The following PTPRD variants were observed in gnomAD, a reference collection of about 807,000 sequenced individuals.
The protein encoded by PTPRD is receptor-type tyrosine-protein phosphatase delta.
In PTPRD, 34 loss-of-function variants were observed where a neutral mutation model predicts 214.5. That is an observed-to-expected ratio of 0.16 (90% CI 0.12 to 0.21). The LOEUF is 0.21. Ranked by LOEUF, PTPRD falls within the 10% of genes least tolerant of loss-of-function variation. The pLI is 1.00. For missense variants in PTPRD, 2,545 were observed against 2,398.7 expected (o/e 1.06, Z -1.27); for synonymous variants, 1,128 against 845.7 (o/e 1.33, Z -5.79).
chr9:9,201,446 T>G (rs553575895), intron 9 of PTPRD, among the ~76,000 whole-genome samples: 1 of 152,298 alleles, frequency 6.6e-6, no homozygotes, highest in South Asian at 2.1e-4. Context: ...AAGTTTATTT[T>G]GATCAGTCTT....
At chr9:8,922,803 C>T (rs1450117749) in intron 11 of PTPRD, among the ~76,000 whole-genome samples, 4 of 150,950 alleles carry the variant, frequency 2.6e-5, no homozygotes, top group East Asian at 2.0e-4. Flanking sequence ...TGTGCCATCA[C>T]GCCCGGCTAA....
chr9:10,461,467 A>C (rs2098958144), intron 2 of PTPRD, among the ~76,000 whole-genome samples: 1 of 152,074 alleles, frequency 6.6e-6, no homozygotes, highest in African/African-American at 2.4e-5. Flanking sequence ...AAAATGGATG[A>C]AGAAACTATC....
At chr9:8,916,640 A>G (rs981450467) in intron 11 of PTPRD, among the ~76,000 whole-genome samples, 1 of 152,188 alleles carries the variant, frequency 6.6e-6, no homozygotes, top group Non-Finnish European at 1.5e-5. Context: ...TTCTTTACTA[A>G]ACCCAGTGAA....
intron 8 of PTPRD, among the ~76,000 whole-genome samples, chr9:9,481,737 T>A (rs1298884590): frequency 6.6e-6 from 1 of 152,144 alleles, no homozygotes; most frequent in Admixed American, 6.6e-5. Context: ...TCAGTTCTAT[T>A]CTTGCCCCAT....
chr9:10,289,647 G>A (rs752845244), intron 3 of PTPRD, among the ~76,000 whole-genome samples: 3 of 152,042 alleles, frequency 2.0e-5, no homozygotes, highest in South Asian at 2.1e-4. Context: ...TTCTAATATC[G>A]GAAGGTTCTT....
At chr9:9,405,353 G>T (rs2072860187) in intron 8 of PTPRD, among the ~76,000 whole-genome samples, 1 of 151,930 alleles carries the variant, frequency 6.6e-6, no homozygotes, top group African/African-American at 2.4e-5. Flanking sequence ...TTCCTCGAGG[G>T]TTACCAATTA....
intron 32 of PTPRD, among the ~76,000 whole-genome samples, chr9:8,465,220 G>A (rs992255384): frequency 6.6e-6 from 1 of 151,850 alleles, no homozygotes. Context: ...ATGTCCTATC[G>A]ATCTGGAACT....
At chr9:8,391,040 C>G (rs902042367) in intron 36 of PTPRD, among the ~76,000 whole-genome samples, 2 of 151,338 alleles carry the variant, frequency 1.3e-5, no homozygotes, top group Admixed American at 6.6e-5. Flanking sequence ...AGAACAAGCA[C>G]TTTATAGGAA....
chr9:9,282,155 T>C (rs962071594), intron 9 of PTPRD, among the ~76,000 whole-genome samples: 5 of 151,346 alleles, frequency 3.3e-5, no homozygotes, highest in Non-Finnish European at 7.4e-5. Flanking sequence ...GAAACTACCC[T>C]ATATGAGACT....
chr9:9,665,778 G>A (rs554373930), intron 7 of PTPRD, among the ~76,000 whole-genome samples: 2 of 151,778 alleles, frequency 1.3e-5, no homozygotes, highest in African/African-American at 2.4e-5. Context: ...ATGTTTTAAC[G>A]TAACACTCCC....
At chr9:10,297,999 A>C (rs549288076) in intron 3 of PTPRD, among the ~76,000 whole-genome samples, 25 of 152,286 alleles carry the variant, frequency 1.6e-4, no homozygotes, top group African/African-American at 5.5e-4. Context: ...AATGATCCAA[A>C]ATATCAGACA....
chr9:8,400,681 G>A (rs7036240), intron 36 of PTPRD, among the ~76,000 whole-genome samples: 52,516 of 152,020 alleles, frequency 0.35, 9,746 homozygotes, highest in Middle Eastern at 0.44. Context: ...ACCCAGACCA[G>A]GAATCAGAAG....
chr9:10,058,751 C>T (rs1187379801), intron 3 of PTPRD, among the ~76,000 whole-genome samples: 1 of 152,030 alleles, frequency 6.6e-6, no homozygotes, highest in Admixed American at 6.6e-5. Flanking sequence ...TACTGACATC[C>T]CCTGCTCAGT....
At chr9:10,454,857 A>G (rs1308741668) in intron 2 of PTPRD, among the ~76,000 whole-genome samples, 1 of 151,494 alleles carries the variant, frequency 6.6e-6, no homozygotes, top group Non-Finnish European at 1.5e-5. Context: ...ATATAATAGA[A>G]AACTCTAAGA....
At chr9:9,316,820 C>T (rs905535014) in intron 9 of PTPRD, among the ~76,000 whole-genome samples, 2 of 152,094 alleles carry the variant, frequency 1.3e-5, no homozygotes, top group African/African-American at 4.8e-5. Context: ...CCTGGGACTA[C>T]GTGGTAATTC....
chr9:10,536,113 C>T (rs999674076), intron 2 of PTPRD, among the ~76,000 whole-genome samples: 1 of 152,040 alleles, frequency 6.6e-6, no homozygotes, highest in African/African-American at 2.4e-5. Flanking sequence ...TGGACCAAAT[C>T]CTAATCCATA....
At chr9:8,508,579 GA>G (rs1301508245) in intron 21 of PTPRD, among the ~76,000 whole-genome samples, 4 of 144,142 alleles carry the variant, frequency 2.8e-5, no homozygotes, top group South Asian at 2.1e-4. Flanking sequence ...TATATTTAAA[GA>G]AAAAAAGAGA....
At position 8,527,356 on chromosome 9, in the gene PTPRD, G is replaced by C; in HGVS notation, c.542-3C>G. 6.2e-7 allele frequency: 1 copy of C among 1,606,172 alleles called. No homozygotes were observed. Among genetic ancestry groups the C allele is most frequent in the East Asian group, 2.2e-5 (1 of 44,766 alleles). On this transcript the variant is annotated splice_polypyrimidine_tract_variant and splice_region_variant and intron_variant, in intron 15 of 45. Coordinates refer to ENST00000381196, the MANE Select transcript of PTPRD (RefSeq NM_002839.4). Reference sequence around the variant, plus strand: ...AACTAAGCACTTACCAATAGATTCTGGAGATTTAAATACGGAGAGAAGAAA... The same window carrying C: ...AACTAAGCACTTACCAATAGATTCTCGAGATTTAAATACGGAGAGAAGAAA...
chr9:9,629,238 G>GTGTGTGTATATATATA (rs149327972), intron 7 of PTPRD, among the ~76,000 whole-genome samples: 1 of 140,370 alleles, frequency 7.1e-6, no homozygotes, highest in African/African-American at 2.8e-5. Context: ...GTGTGTGTGT[G>GTGTGTGTATATATATA]TATATATATA....
Sources: allele counts gnomAD v4.1 joint callset (sites outside exome capture counted in the v4.1 genomes callset), GRCh38; gene constraint gnomAD v4.1.1; transcripts MANE v1.5; gene names NCBI Gene and HGNC (gene_info 2026-07-23, HGNC 2026-07-21).